NCALD: variants seen among roughly 807,000 people sequenced by gnomAD.
NCALD encodes neurocalcin delta, also known as neurocalcin-delta.
NCALD carries 10 observed loss-of-function variants against 18.6 expected under a neutral mutation model. The ratio of observed to expected loss-of-function variants is 0.54; its 90% CI spans 0.33 to 0.91. The LOEUF (loss-of-function observed/expected upper bound fraction) is 0.91. Among genes scored for constraint, NCALD ranks in the 40% least tolerant of loss-of-function variants. NCALD has a pLI of 0.03. For synonymous variants in NCALD, 88 were observed against 87.4 expected, an observed-to-expected ratio of 1.01 and a Z score of -0.04; for missense variants, 184 against 247.6, an observed-to-expected ratio of 0.74 and a Z score of 1.72.
chr8:101,923,232 T>G (rs985842273), intron 2 of NCALD, among the ~76,000 whole-genome samples: 1 of 152,226 alleles, frequency 6.6e-6, no homozygotes, highest in Non-Finnish European at 1.5e-5. Flanking sequence ...CCTCCAGAAC[T>G]GCAAGAAATA....
At chr8:102,044,890 C>T (rs565428453) in intron 1 of NCALD, among the ~76,000 whole-genome samples, 1 of 152,104 alleles carries the variant, frequency 6.6e-6, no homozygotes, top group Non-Finnish European at 1.5e-5. Flanking sequence ...GGGATGCTAG[C>T]AGGACCACTA....
intron 2 of NCALD, among the ~76,000 whole-genome samples, chr8:101,967,130 C>T (rs1273805700): frequency 2.0e-5 from 3 of 152,108 alleles, no homozygotes; most frequent in Admixed American, 6.6e-5. Flanking sequence ...AAACTAAATT[C>T]AAATTATTTT....
chr8:101,954,137 G>A (rs1355991839), intron 2 of NCALD, among the ~76,000 whole-genome samples: 1 of 152,154 alleles, frequency 6.6e-6, no homozygotes, highest in Non-Finnish European at 1.5e-5. Flanking sequence ...CAGGGTATGG[G>A]CCGTCCTATG....
At chr8:102,093,200 T>C (rs2132382239) in intron 1 of NCALD, among the ~76,000 whole-genome samples, 1 of 152,136 alleles carries the variant, frequency 6.6e-6, no homozygotes, top group South Asian at 2.1e-4. Flanking sequence ...TATAACTGAA[T>C]GACTTCACTA....
rs544396203 is a variant in NCALD at position 102,020,158 on chromosome 8, T to G, written c.-157+79A>C. On this transcript the variant is annotated intron_variant, in intron 2 of 6. Coordinates refer to the NCALD transcript ENST00000311028. The stretch of plus-strand genomic sequence containing the variant: ...GCTAAAATGAGGATTACATAGAATG[T>G]TAGGCTTATGTATGTCTTAGGGAAT... 2.0e-5 allele frequency: 3 copies of G among 152,262 alleles called. No individual in the cohort carries two copies. The East Asian group carries it at 5.8e-4, about 29-fold the overall frequency. The allele number at this position is 152,262 out of a possible 1,614,324, so 9.4% of individuals were successfully genotyped here. A position where few individuals can be genotyped will look rare whatever the true frequency, so the allele number is the denominator to read the frequency against.
intron 4 of NCALD, among the ~76,000 whole-genome samples, chr8:101,883,439 TAA>T (rs1244499057): frequency 2.0e-5 from 3 of 152,242 alleles, no homozygotes; most frequent in African/African-American, 7.2e-5. Context: ...GAGTTTCATT[TAA>T]GTCTTTGTAT....
At chr8:101,962,332 C>G (rs1011536679) in intron 2 of NCALD, among the ~76,000 whole-genome samples, 6 of 152,206 alleles carry the variant, frequency 3.9e-5, no homozygotes, top group Non-Finnish European at 8.8e-5. Flanking sequence ...AATATATGAT[C>G]TATCTACAAA....
At chr8:101,860,721 T>C (rs972221374) in intron 4 of NCALD, among the ~76,000 whole-genome samples, 23 of 152,156 alleles carry the variant, frequency 1.5e-4, no homozygotes, top group African/African-American at 5.3e-4. Context: ...TAAGAGAAGG[T>C]GTGCACTGGA....
chr8:102,090,811 G>A (rs1308069611), intron 1 of NCALD, among the ~76,000 whole-genome samples: 1 of 152,144 alleles, frequency 6.6e-6, no homozygotes, highest in Non-Finnish European at 1.5e-5. Context: ...AGTACAATAA[G>A]AATCTTTTTT....
At chr8:101,767,682 G>A (rs545806633) in intron 1 of NCALD, among the ~76,000 whole-genome samples, 86 of 152,318 alleles carry the variant, frequency 5.6e-4, no homozygotes, top group South Asian at 1.7e-3. Flanking sequence ...GTTGGGATTT[G>A]CCCAGGTTTT....
intron 2 of NCALD, among the ~76,000 whole-genome samples, chr8:101,980,998 C>T (rs577797010): frequency 2.0e-5 from 3 of 152,308 alleles, no homozygotes; most frequent in Admixed American, 2.0e-4. Flanking sequence ...AAATAAAGCA[C>T]TTATTACCAG....
chr8:102,104,338 T>C lies in NCALD; in HGVS notation c.-210+19899A>G, dbSNP rs368868098. On this transcript the variant is annotated intron_variant, in intron 1 of 6. Coordinates refer to the NCALD transcript ENST00000311028. ...AAAGTCATTTTAATGCCAGAACAGCTTAGATTTCAAATAGGGGGCACCTAG... is the reference window on the plus strand; with the variant it reads ...AAAGTCATTTTAATGCCAGAACAGCCTAGATTTCAAATAGGGGGCACCTAG... Among the ~76,000 whole-genome samples, 66 of 152,214 alleles carry C rather than the reference T, an allele frequency of 4.3e-4. 1 individual carries two copies. In the South Asian group the frequency reaches 0.014, roughly 32 times the overall value.
intron 2 of NCALD, among the ~76,000 whole-genome samples, chr8:101,956,285 C>T (rs1392220759): frequency 6.6e-6 from 1 of 152,092 alleles, no homozygotes; most frequent in Admixed American, 6.5e-5. Context: ...TGGTTACATG[C>T]CAAGCATGGA....
chr8:101,971,028 G>A (rs1164717862), intron 2 of NCALD, among the ~76,000 whole-genome samples: 1 of 152,134 alleles, frequency 6.6e-6, no homozygotes, highest in East Asian at 1.9e-4. Context: ...CCTTGCACAT[G>A]CCCGTCTGCC....
chr8:102,016,198 T>C (rs1450409833), intron 2 of NCALD, among the ~76,000 whole-genome samples: 1 of 151,846 alleles, frequency 6.6e-6, no homozygotes, highest in African/African-American at 2.4e-5. Flanking sequence ...CTGACACAAA[T>C]AAGAGGTCTG....
intron 1 of NCALD, among the ~76,000 whole-genome samples, chr8:102,054,687 TAGATAGATAGATA>T (rs1823578081): frequency 8.6e-6 from 1 of 116,554 alleles, no homozygotes. Flanking sequence ...GATAGATAGA[TAGATAGATAGATA>T]GATAGATAGA....
chr8:101,852,065 C>T (rs528466376), intron 4 of NCALD, among the ~76,000 whole-genome samples: 14 of 152,146 alleles, frequency 9.2e-5, no homozygotes, highest in Non-Finnish European at 1.3e-4. Context: ...CTCACTGAAT[C>T]TTCTGGCATC....
At chr8:101,942,591 T>C (rs1041463079) in intron 2 of NCALD, among the ~76,000 whole-genome samples, 2 of 152,162 alleles carry the variant, frequency 1.3e-5, no homozygotes, top group African/African-American at 4.8e-5. Context: ...AGAGCTGAGT[T>C]TGGGGCAAGC....
At chr8:102,078,799 C>A (rs566191202) in intron 1 of NCALD, among the ~76,000 whole-genome samples, 1 of 152,186 alleles carries the variant, frequency 6.6e-6, no homozygotes, top group African/African-American at 2.4e-5. Flanking sequence ...TTTTATTTTG[C>A]ATTCACTCAT....
Sources: allele counts gnomAD v4.1 joint callset (sites outside exome capture counted in the v4.1 genomes callset), GRCh38; gene constraint gnomAD v4.1.1; transcripts MANE v1.5; gene names NCBI Gene and HGNC (gene_info 2026-07-23, HGNC 2026-07-21).